FBXW7: variants seen among roughly 807,000 people sequenced by gnomAD.
FBXW7 encodes the protein F-box and WD repeat domain containing 7, also known as F-box/WD repeat-containing protein 7.
A neutral mutation model predicts 86.3 loss-of-function variants in FBXW7; 11 were observed. The observed-to-expected ratio is 0.13, with a 90% CI of 0.08 to 0.21. FBXW7 has a LOEUF of 0.21. Ranked by LOEUF, FBXW7 falls within the 10% of genes least tolerant of loss-of-function variation. FBXW7 has a pLI of 1.00. For synonymous variants in FBXW7, 313 were observed against 297.9 expected, an observed-to-expected ratio of 1.05 and a Z score of -0.52; for missense variants, 488 against 847.4, an observed-to-expected ratio of 0.58 and a Z score of 5.27.
intron 2 of FBXW7, among the ~76,000 whole-genome samples, chr4:152,477,502 A>G (rs1400921714): frequency 6.6e-6 from 1 of 152,198 alleles, no homozygotes; most frequent in Non-Finnish European, 1.5e-5. Flanking sequence ...ATCCGGTAGA[A>G]GTATTTAAAA....
chr4:152,349,511 T>C (rs1171330954), intron 5 of FBXW7, among the ~76,000 whole-genome samples: 1 of 151,912 alleles, frequency 6.6e-6, no homozygotes, highest in African/African-American at 2.4e-5. Flanking sequence ...AAGATTACAA[T>C]TATGTTTCAT....
At chr4:152,355,218 A>G (rs1358429259) in intron 4 of FBXW7, among the ~76,000 whole-genome samples, 1 of 152,144 alleles carries the variant, frequency 6.6e-6, no homozygotes, top group Non-Finnish European at 1.5e-5. Context: ...TTCTATTTAT[A>G]CCACTCGGCT....
chr4:152,322,097 A>G lies in FBXW7; in HGVS notation c.*784T>C, dbSNP rs763067743. The G allele has an allele frequency of 6.4e-5, 15 of 233,190 alleles. No individual in the cohort carries two copies. The highest frequency in any genetic ancestry group is 1.2e-4 in the Non-Finnish European group (14 of 117,780). The allele number at this position is 233,190 out of a possible 1,614,324, so 14.4% of individuals were successfully genotyped here. ...TTCTTTCTTTCATTTAGCAGCATAA[A>G]TAAGTTTGGCCACTGGGAGTACAGT... is the stretch of plus-strand genomic sequence containing the variant. On this transcript the variant is annotated 3_prime_UTR_variant, in exon 14 of 14. Transcript: ENST00000281708.
At chr4:152,386,773 C>G (rs1225772473) in intron 4 of FBXW7, among the ~76,000 whole-genome samples, 2 of 151,988 alleles carry the variant, frequency 1.3e-5, no homozygotes, top group Admixed American at 1.3e-4. Context: ...TATAAGGTAA[C>G]TTATTTTGCC....
chr4:152,347,052 A>G lies in FBXW7; in HGVS notation c.604T>C (p.Cys202Arg). The G allele has an allele frequency of 3.7e-6, 6 of 1,612,844 alleles. No homozygotes were observed. Among genetic ancestry groups the G allele is most frequent in the Non-Finnish European group, 5.1e-6 (6 of 1,179,512 alleles). The change falls in exon 6 of 14, where the codon TGT becomes CGT. Residue 202 changes from cysteine to arginine, a missense_variant. Cys to Arg is a radical substitution (Grantham distance 180). Around this residue, in one of 4 missense-constraint regions of FBXW7, gnomAD observed 230 missense variants for 240.0 expected, o/e 0.96. Transcript: ENST00000281708. ...EYTSTTGLVP[C>R]SATPTTFGDL... ...CCAAAAGTTGTTGGTGTTGCTGAAC[A>G]TGGTACAAGCCCAGTGGTACTACAA...
In FBXW7 at chr4:152,321,595, A is replaced by C. The variant is rs1728565429; in HGVS notation, c.*1286T>G. ...TGCATGTGACGCCTTTACTACAAAAACTGAATAGTTTCTGCTTTGTCAGTT... is the reference window on the plus strand; with the variant it reads ...TGCATGTGACGCCTTTACTACAAAACCTGAATAGTTTCTGCTTTGTCAGTT... On this transcript the variant is annotated 3_prime_UTR_variant, in exon 14 of 14. Coordinates refer to ENST00000281708, the MANE Select transcript of FBXW7 (RefSeq NM_001349798.2). 8.6e-6 allele frequency: 2 copies of C among 233,206 alleles called. No individual in the cohort carries two copies. Among genetic ancestry groups the C allele is most frequent in the East Asian group, 1.2e-4 (2 of 16,524 alleles). 14.4% of individuals were successfully genotyped at this position (233,206 alleles called of 1,614,324 possible).
intron 2 of FBXW7, among the ~76,000 whole-genome samples, chr4:152,474,480 G>C (rs1744223108): frequency 6.6e-6 from 1 of 152,134 alleles, no homozygotes; most frequent in African/African-American, 2.4e-5. Flanking sequence ...GTAGTTATGT[G>C]AACATCAGAT....
intron 3 of FBXW7, 53 bp from the exon 4 acceptor site, chr4:152,411,925 C>G (rs1560865286): frequency 1.4e-6 from 2 of 1,394,202 alleles, no homozygotes; most frequent in East Asian, 5.0e-5. Flanking sequence ...ATATTATGTT[C>G]TACTTTCATG....
chr4:152,473,553 T>C (rs957810334), intron 2 of FBXW7, among the ~76,000 whole-genome samples: 3 of 152,144 alleles, frequency 2.0e-5, no homozygotes, highest in Admixed American at 2.0e-4. Context: ...GGCATTACCA[T>C]AGCTCACCAC....
intron 2 of FBXW7, among the ~76,000 whole-genome samples, chr4:152,529,896 A>G (rs1414979713): frequency 6.6e-6 from 1 of 151,932 alleles, no homozygotes; most frequent in African/African-American, 2.4e-5. Flanking sequence ...TCTATCAAAA[A>G]TACAAAAAAA....
chr4:152,362,828 C>CAAAAAAAAAAAAAAAAA (rs35796895), intron 4 of FBXW7, among the ~76,000 whole-genome samples: 3 of 79,142 alleles, frequency 3.8e-5, no homozygotes, highest in African/African-American at 5.9e-5. Flanking sequence ...CTCTCTCTCT[C>CAAAAAAAAAAAAAAAAA]AAAAAAAAAA....
intron 2 of FBXW7, among the ~76,000 whole-genome samples, chr4:152,450,058 C>T (rs946912908): frequency 6.6e-6 from 1 of 152,184 alleles, no homozygotes; most frequent in Admixed American, 6.5e-5. Flanking sequence ...GTGTATGTAA[C>T]ATGCTCAATT....
At chr4:152,404,440 T>C (rs1737230706) in intron 4 of FBXW7, among the ~76,000 whole-genome samples, 1 of 152,238 alleles carries the variant, frequency 6.6e-6, no homozygotes, top group Non-Finnish European at 1.5e-5. Flanking sequence ...TCTTCTGATC[T>C]TTTTCTTTGC....
intron 2 of FBXW7, among the ~76,000 whole-genome samples, chr4:152,467,235 T>C (rs1371009479): frequency 6.6e-6 from 1 of 152,142 alleles, no homozygotes; most frequent in Non-Finnish European, 1.5e-5. Context: ...GCTGTTCTCA[T>C]AATAGTGACT....
At chr4:152,429,157 T>C (rs1205802506) in intron 2 of FBXW7, among the ~76,000 whole-genome samples, 1 of 152,102 alleles carries the variant, frequency 6.6e-6, no homozygotes, top group Non-Finnish European at 1.5e-5. Context: ...GTCATTGCAC[T>C]CCAGCATGGG....
chr4:152,359,445 G>GA (rs1053132654), intron 4 of FBXW7, among the ~76,000 whole-genome samples: 1 of 151,336 alleles, frequency 6.6e-6, no homozygotes, highest in Non-Finnish European at 1.5e-5. Context: ...TATAAATAAT[G>GA]AAAAAAAATT....
intron 2 of FBXW7, among the ~76,000 whole-genome samples, chr4:152,436,475 C>T (rs1740397757): frequency 6.6e-6 from 1 of 152,218 alleles, no homozygotes; most frequent in African/African-American, 2.4e-5. Flanking sequence ...AATGCTGATG[C>T]AGAAGCTGCA....
chr4:152,511,297 C>G (rs1489521479), intron 2 of FBXW7, among the ~76,000 whole-genome samples: 5 of 151,330 alleles, frequency 3.3e-5, no homozygotes, highest in African/African-American at 9.7e-5. Flanking sequence ...CCCCCGCCCC[C>G]CCCACCGAAT....
rs576014320 is a variant in FBXW7 at position 152,459,189 on chromosome 4, G to A, written c.-119-46660C>T. ...ATAACTGCAGCATGACTTTACTACCGACACCAGCATTCAATCTACCACAAG... is the reference window on the plus strand; with the variant it reads ...ATAACTGCAGCATGACTTTACTACCAACACCAGCATTCAATCTACCACAAG... On this transcript the variant is annotated intron_variant, in intron 2 of 13. Coordinates refer to ENST00000281708, the MANE Select transcript of FBXW7 (RefSeq NM_001349798.2). Among the ~76,000 whole-genome samples, 66 of 152,180 alleles carry A rather than the reference G, an allele frequency of 4.3e-4. No homozygotes were observed. In the South Asian group the frequency reaches 8.1e-3, roughly 19 times the overall value.
Sources: allele counts gnomAD v4.1 joint callset (sites outside exome capture counted in the v4.1 genomes callset), GRCh38; gene constraint gnomAD v4.1.1; regional missense constraint gnomAD v4.1.1; transcripts MANE v1.5; gene names NCBI Gene and HGNC (gene_info 2026-07-23, HGNC 2026-07-21).